CA10: variants seen among roughly 807,000 people sequenced by gnomAD.
CA10 encodes the protein carbonic anhydrase-related protein 10.
CA10 carries 14 observed loss-of-function variants against 44.2 expected under a neutral mutation model. That is an observed-to-expected ratio of 0.32 (90% CI 0.21 to 0.50). CA10 has a LOEUF of 0.50. CA10 is among the 20% of genes least tolerant of loss of function. CA10 has a pLI of 0.99. For synonymous variants in CA10, 159 were observed against 141.6 expected (o/e 1.12, Z -0.87); for missense variants, 350 against 409.7 (o/e 0.85, Z 1.26).
chr17:51,977,234 A>C (rs1286585684), intron 2 of CA10, among the ~76,000 whole-genome samples: 1 of 151,838 alleles, frequency 6.6e-6, no homozygotes, highest in Non-Finnish European at 1.5e-5. Context: ...GGGGAAAAAA[A>C]CCCCTCAAAA....
chr17:51,863,980 G>A (rs1026879775), intron 3 of CA10, among the ~76,000 whole-genome samples: 2 of 152,146 alleles, frequency 1.3e-5, no homozygotes, highest in Non-Finnish European at 2.9e-5. Context: ...TCAATAACCA[G>A]TCCCTTTCCT....
chr17:51,863,399 G>A (rs182817674), intron 3 of CA10, among the ~76,000 whole-genome samples: 33 of 152,284 alleles, frequency 2.2e-4, no homozygotes, highest in Admixed American at 1.1e-3. Context: ...TAGATGGCAC[G>A]GACCTTGCTC....
intron 2 of CA10, among the ~76,000 whole-genome samples, chr17:52,041,359 A>G (rs1054738014): frequency 6.6e-6 from 1 of 152,124 alleles, no homozygotes; most frequent in Non-Finnish European, 1.5e-5. Context: ...TGCTATTATC[A>G]TGATTTTCCA....
intron 3 of CA10, among the ~76,000 whole-genome samples, chr17:51,924,805 C>T (rs760965985): frequency 2.9e-4 from 44 of 152,272 alleles, no homozygotes; most frequent in African/African-American, 3.6e-4. Context: ...TGGTTATAAA[C>T]GGTCCCTCTA....
At chr17:52,017,621 T>A (rs1308164834) in intron 2 of CA10, among the ~76,000 whole-genome samples, 1 of 152,140 alleles carries the variant, frequency 6.6e-6, no homozygotes, top group East Asian at 1.9e-4. Flanking sequence ...TGCAAAGGCA[T>A]AACTTAAAGT....
intron 7 of CA10, among the ~76,000 whole-genome samples, chr17:51,635,032 C>T (rs1057428668): frequency 6.6e-6 from 1 of 152,164 alleles, no homozygotes; most frequent in Non-Finnish European, 1.5e-5. Context: ...CCCTGAAATT[C>T]ATAAGCTGAA....
chr17:51,703,122 G>A (rs987848273), intron 4 of CA10, among the ~76,000 whole-genome samples: 1 of 152,130 alleles, frequency 6.6e-6, no homozygotes, highest in Admixed American at 6.5e-5. Flanking sequence ...GAAAGTGGCT[G>A]ACTGGGGACT....
intron 2 of CA10, among the ~76,000 whole-genome samples, chr17:51,989,527 T>C (rs203030): frequency 0.52 from 79,220 of 151,932 alleles, 22,071 homozygotes; most frequent in African/African-American, 0.71. Context: ...GCACTATTCA[T>C]GATAGCCAAG....
At chr17:51,924,581 CTG>C (rs1982352013) in intron 3 of CA10, among the ~76,000 whole-genome samples, 1 of 152,280 alleles carries the variant, frequency 6.6e-6, no homozygotes, top group African/African-American at 2.4e-5. Flanking sequence ...CTTGCATGGA[CTG>C]ATTCAACAAG....
chr17:51,643,050 T>A (rs971917509), intron 6 of CA10, among the ~76,000 whole-genome samples: 1 of 152,206 alleles, frequency 6.6e-6, no homozygotes, highest in Non-Finnish European at 1.5e-5. Flanking sequence ...AATAATACTG[T>A]CCTAAGATGT....
In CA10 at chr17:52,158,080, A is replaced by C; in HGVS notation, c.-294T>G. ...CTCGCGTGTCTCTTCTCTTCGCACCAGCGGCGGAAACCGCACTAGCAGCGG... is the reference window on the plus strand; with the variant it reads ...CTCGCGTGTCTCTTCTCTTCGCACCCGCGGCGGAAACCGCACTAGCAGCGG... On this transcript the variant is annotated 5_prime_UTR_variant, in exon 1 of 9. Transcript: ENST00000451037. 1.9e-6 allele frequency: 1 copy of C among 516,778 alleles called. No homozygotes were observed. Among genetic ancestry groups the C allele is most frequent in the Non-Finnish European group, 3.5e-6 (1 of 288,018 alleles). 32.0% of individuals were successfully genotyped at this position (516,778 alleles called of 1,614,324 possible).
intron 2 of CA10, among the ~76,000 whole-genome samples, chr17:52,044,282 A>C (rs1986848266): frequency 6.6e-6 from 1 of 151,742 alleles, no homozygotes; most frequent in African/African-American, 2.4e-5. Context: ...TAGTCTTGAG[A>C]GGTTGTATGT....
intron 3 of CA10, among the ~76,000 whole-genome samples, chr17:51,913,813 T>A (rs991000928): frequency 2.6e-5 from 4 of 152,076 alleles, no homozygotes; most frequent in African/African-American, 9.7e-5. Context: ...CCTTTGATCA[T>A]CCTCTTGTTG....
intron 3 of CA10, among the ~76,000 whole-genome samples, chr17:51,833,933 C>T (rs779341557): frequency 3.3e-5 from 5 of 152,110 alleles, no homozygotes; most frequent in South Asian, 4.1e-4. Flanking sequence ...CTGCCAAGTA[C>T]GGAGAAGCCA....
chr17:51,754,345 T>C (rs1176134638), intron 3 of CA10, among the ~76,000 whole-genome samples: 1 of 135,064 alleles, frequency 7.4e-6, no homozygotes, highest in Non-Finnish European at 1.6e-5. Context: ...TAAAGACGGG[T>C]AAAATAAAGA....
chr17:52,105,761 G>C (rs1471615942), intron 1 of CA10, among the ~76,000 whole-genome samples: 3 of 152,174 alleles, frequency 2.0e-5, no homozygotes, highest in African/African-American at 7.2e-5. Context: ...CTTCCTTATT[G>C]TGGATTAGCA....
At chr17:51,884,864 A>G (rs566200317) in intron 3 of CA10, among the ~76,000 whole-genome samples, 1 of 152,288 alleles carries the variant, frequency 6.6e-6, no homozygotes, top group African/African-American at 2.4e-5. Flanking sequence ...TTGTTTGTAG[A>G]CACATCATTC....
chr17:51,815,238 C>T lies in CA10; in HGVS notation c.280-67420G>A, dbSNP rs117866377. On this transcript the variant is annotated intron_variant, in intron 3 of 8. Coordinates refer to ENST00000451037, the MANE Select transcript of CA10 (RefSeq NM_020178.5). ...GAATGCCCTATGGTACAAGGGAAAG[C>T]CTTCTACAACAAAGAATTATCCTGC... Among the ~76,000 whole-genome samples the T allele has an allele frequency of 6.8e-3, 1,036 of 152,128 alleles. 5 individuals carry two copies. Among genetic ancestry groups the T allele is most frequent in the Non-Finnish European group, 0.012 (818 of 67,996 alleles).
intron 2 of CA10, among the ~76,000 whole-genome samples, chr17:51,993,341 C>T (rs546103632): frequency 6.6e-6 from 1 of 152,148 alleles, no homozygotes; most frequent in Non-Finnish European, 1.5e-5. Context: ...TTAACATCTA[C>T]TGTTGTCTCT....
Sources: gnomAD v4.1 joint callset for allele counts (sites outside exome capture counted in the v4.1 genomes callset) on GRCh38, gnomAD v4.1.1 for gene constraint, MANE v1.5 for transcripts, NCBI Gene and HGNC (gene_info 2026-07-23, HGNC 2026-07-21) for gene names.